The following RSRC2 variants were observed in gnomAD, a reference collection of about 807,000 sequenced individuals.
RSRC2 encodes arginine/serine-rich coiled-coil protein 2.
Under a neutral mutation model 61.3 loss-of-function variants are expected in RSRC2, and 5 were observed. The observed-to-expected ratio is 0.08, with a 90% CI of 0.04 to 0.17. The LOEUF (loss-of-function observed/expected upper bound fraction) is 0.17, where lower values mean the gene tolerates loss of function less well. Ranked by LOEUF, RSRC2 falls within the 10% of genes least tolerant of loss-of-function variation. RSRC2 has a pLI of 1.00. For missense variants in RSRC2, 381 were observed against 518.8 expected (o/e 0.73, Z 2.58); for synonymous variants, 202 against 166.5 (o/e 1.21, Z -1.64).
chr12:122,521,748 G>A (rs1959227117), intron 2 of RSRC2, among the ~76,000 whole-genome samples: 1 of 152,126 alleles, frequency 6.6e-6, no homozygotes, highest in East Asian at 1.9e-4. Context: ...AATAGAGAGA[G>A]GTAAGCCATT....
intron 2 of RSRC2, among the ~76,000 whole-genome samples, chr12:122,521,647 C>T (rs1959218154): frequency 6.6e-6 from 1 of 152,176 alleles, no homozygotes; most frequent in Non-Finnish European, 1.5e-5. Context: ...CTAGATACAT[C>T]TTTTAAACGG....
chr12:122,518,022 CAG>C (rs1234750494), intron 4 of RSRC2, among the ~76,000 whole-genome samples: 2 of 152,156 alleles, frequency 1.3e-5, no homozygotes, highest in South Asian at 2.1e-4. Context: ...CTCAGCTGGG[CAG>C]AGTGACTCAC....
rs1418866289 is a variant in RSRC2, at chr12:122,503,673, A to T, written c.*1854T>A. ...TTGATGATCACGAAATGAAGGATCC[A>T]TAGTGTCATTTCCTTAGAAGGCTTA... On this transcript the variant is annotated 3_prime_UTR_variant, in exon 10 of 10. Coordinates refer to ENST00000331738, the MANE Select transcript of RSRC2 (RefSeq NM_023012.6). The T allele has an allele frequency of 2.6e-5, 4 of 152,232 alleles. No homozygotes were observed. Among genetic ancestry groups the T allele is most frequent in the African/African-American group, 9.6e-5 (4 of 41,468 alleles). The allele number at this position is 152,232 out of a possible 1,614,324, so 9.4% of individuals were successfully genotyped here. A position where few individuals can be genotyped will look rare whatever the true frequency, so the allele number is the denominator to read the frequency against.
At chr12:122,521,492 A>C in intron 2 of RSRC2, 64 bp from the exon 3 acceptor site, 1 of 1,422,048 alleles carries the variant, frequency 7.0e-7, no homozygotes, top group Non-Finnish European at 9.9e-7. Flanking sequence ...ATCTTAAAAA[A>C]CTCTTAATGC....
intron 6 of RSRC2, among the ~76,000 whole-genome samples, chr12:122,514,238 G>A (rs1237707864): frequency 6.7e-6 from 1 of 149,784 alleles, no homozygotes; most frequent in Non-Finnish European, 1.5e-5. Context: ...TGAAACAGCA[G>A]AAAATTTATT....
chr12:122,508,573 AAGG>A, intron 7 of RSRC2, 126 bp from the exon 8 acceptor site: 1 of 713,916 alleles, frequency 1.4e-6, no homozygotes, highest in Non-Finnish European at 2.3e-6. Context: ...CACCAAATCC[AAGG>A]AAATGACTGA....
chr12:122,526,866 C>G lies in RSRC2; in HGVS notation c.-13G>C. ...TACCTACCGCCATAGTTCAGAGTCC[C>G]GGCCGCTAGAGCGGCGCCTCCACTT... On this transcript the variant is annotated 5_prime_UTR_variant, in exon 1 of 10. Transcript: ENST00000331738. 1 of 1,614,244 alleles carries G rather than the reference C, an allele frequency of 6.2e-7. No homozygotes were observed. The highest frequency in any genetic ancestry group is 1.3e-5 in the African/African-American group (1 of 75,082).
chr12:122,507,377 T>C (rs1400231280), intron 8 of RSRC2: 1 of 156,378 alleles, frequency 6.4e-6, no homozygotes, highest in East Asian at 1.9e-4. Flanking sequence ...AGCAAGACTC[T>C]GTCTCAAAAA....
Position 122,521,435 on chromosome 12 carries a change from A to G in RSRC2, c.164-7T>C. 2 of 1,611,106 alleles carry G rather than the reference A, an allele frequency of 1.2e-6. No homozygotes were observed. The highest frequency in any genetic ancestry group is 3.3e-5 in the Admixed American group (2 of 59,982). On this transcript the variant is annotated splice_polypyrimidine_tract_variant and splice_region_variant and intron_variant, in intron 2 of 9. Transcript: ENST00000331738. ...TGTTTTCTTCCTTCATTATCTGTGA[A>G]TACACAAAAAAAATAATCACCATAA...
chr12:122,506,064 A>T (rs1958098339), intron 9 of RSRC2, among the ~76,000 whole-genome samples: 1 of 151,992 alleles, frequency 6.6e-6, no homozygotes, highest in South Asian at 2.1e-4. Flanking sequence ...TTGGGATTAC[A>T]GGTGTGAACT....
intron 1 of RSRC2, 60 bp from the exon 2 acceptor site, chr12:122,522,359 C>T: frequency 6.9e-7 from 1 of 1,453,016 alleles, no homozygotes; most frequent in Non-Finnish European, 9.2e-7. Context: ...TTTTCAATTT[C>T]TTAAAAGAGG....
intron 4 of RSRC2, among the ~76,000 whole-genome samples, chr12:122,518,529 G>T (rs182659858): frequency 1.3e-5 from 2 of 151,270 alleles, no homozygotes; most frequent in South Asian, 4.2e-4. Flanking sequence ...GGAGGCAGAG[G>T]TTGCAGTGAG....
At position 122,505,713 on chromosome 12, in the gene RSRC2, A is replaced by G; in HGVS notation, c.1126-7T>C. 2 of 1,609,388 alleles carry G rather than the reference A, an allele frequency of 1.2e-6. No individual in the cohort carries two copies. Among genetic ancestry groups the G allele is most frequent in the Non-Finnish European group, 1.7e-6 (2 of 1,176,378 alleles). On this transcript the variant is annotated splice_polypyrimidine_tract_variant and splice_region_variant and intron_variant, in intron 9 of 9. Transcript: ENST00000331738. ...ATCCAGCTTCATCTTCACTCTAAAA[A>G]TCAGACATAAAACATTACAATGAAT...
Position 122,526,930 on chromosome 12 carries a change from TCA to T in RSRC2, c.-79_-78del, listed in dbSNP as rs1340245923. The stretch of plus-strand genomic sequence containing the variant: ...GTACCGGCCGCTCCGAAGCTTCGCC[TCA>T]GACTAAATCGCTCGCGCGAGAGACC... On this transcript the variant is annotated 5_prime_UTR_variant, in exon 1 of 10. Transcript: ENST00000331738. The T allele has an allele frequency of 1.9e-6, 3 of 1,551,922 alleles. No individual in the cohort carries two copies. Among genetic ancestry groups the T allele is most frequent in the Admixed American group, 3.4e-5 (2 of 59,172 alleles).
At chr12:122,509,452 A>G (rs1379130123) in intron 7 of RSRC2, among the ~76,000 whole-genome samples, 1 of 151,700 alleles carries the variant, frequency 6.6e-6, no homozygotes, top group East Asian at 1.9e-4. Context: ...TCCGTCTCAA[A>G]AAAAAAAACA....
chr12:122,510,566 TAAAC>T (rs1166943375), intron 7 of RSRC2, among the ~76,000 whole-genome samples: 2 of 152,110 alleles, frequency 1.3e-5, no homozygotes, highest in Non-Finnish European at 2.9e-5. Context: ...TAGTGTTACA[TAAAC>T]AAACATACTC....
chr12:122,503,548 CTG>C lies in RSRC2; in HGVS notation c.*1977_*1978del, dbSNP rs1354224320. ...CATGTATGGTCAGCTCCTAAAATAA[CTG>C]TAGACACACAGGAAGCTTTTGCGTC... On this transcript the variant is annotated 3_prime_UTR_variant, in exon 10 of 10. Coordinates refer to ENST00000331738, the MANE Select transcript of RSRC2 (RefSeq NM_023012.6). 6.6e-6 allele frequency: 1 copy of C among 152,228 alleles called. No individual in the cohort carries two copies. The highest frequency in any genetic ancestry group is 1.5e-5 in the Non-Finnish European group (1 of 68,036). The allele number at this position is 152,228 out of a possible 1,614,324, so 9.4% of individuals were successfully genotyped here. A position where few individuals can be genotyped will look rare whatever the true frequency, so the allele number is the denominator to read the frequency against.
In RSRC2 at chr12:122,508,292, C is replaced by T; in HGVS notation, c.961G>A (p.Ala321Thr). Residue 321 changes from alanine (A) to threonine (T), a missense_variant, in exon 8 of 10, where the codon GCC (alanine) becomes ACC (threonine). Ala to Thr is a moderately conservative substitution (Grantham distance 58, BLOSUM62 0). Around this residue, in one of 4 missense-constraint regions of RSRC2, gnomAD observed 78 missense variants for 183.0 expected, o/e 0.43. Coordinates refer to ENST00000331738, the MANE Select transcript of RSRC2 (RefSeq NM_023012.6). ...GCAAATTTCATTGGATTAACAGCGG[C>T]TGGGTTATAGTAGCTAGGAACAGCT... ...GIAVPSYYNPAAVNPMKFAEQ... is the reference protein window; with the variant it reads ...GIAVPSYYNPTAVNPMKFAEQ... The T allele has an allele frequency of 1.2e-6, 2 of 1,614,116 alleles. No homozygotes were observed. Among genetic ancestry groups the T allele is most frequent in the Non-Finnish European group, 1.7e-6 (2 of 1,180,036 alleles).
At chr12:122,526,748 C>A in intron 1 of RSRC2, 100 bp downstream of exon 1, 1 of 1,392,724 alleles carries the variant, frequency 7.2e-7, no homozygotes, top group Non-Finnish European at 1.0e-6. Context: ...GCCATTTTGT[C>A]TACACACATA....
Sources: gnomAD v4.1 joint callset for allele counts (sites outside exome capture counted in the v4.1 genomes callset) on GRCh38, gnomAD v4.1.1 for gene constraint, gnomAD v4.1.1 regional missense constraint, MANE v1.5 for transcripts, NCBI Gene and HGNC (gene_info 2026-07-23, HGNC 2026-07-21) for gene names.